Variants in PPM1H observed in about 807,000 individuals in gnomAD.
PPM1H encodes protein phosphatase, Mg2+/Mn2+ dependent 1H.
PPM1H carries 27 observed loss-of-function variants against 54.9 expected under a neutral mutation model. The observed-to-expected ratio is 0.49, with a 90% CI of 0.36 to 0.68. PPM1H has a LOEUF of 0.68. Among genes scored for constraint, PPM1H ranks in the 30% least tolerant of loss-of-function variants. The pLI is 0.00. For synonymous variants in PPM1H, 305 were observed against 270.8 expected (o/e 1.13, Z -1.24); for missense variants, 596 against 667.8 (o/e 0.89, Z 1.19).
intron 9 of PPM1H, among the ~76,000 whole-genome samples, chr12:62,649,571 T>C: frequency 6.6e-6 from 1 of 152,194 alleles, no homozygotes; most frequent in East Asian, 1.9e-4. Context: ...AGGAACTTAG[T>C]TCCACTGGCA....
chr12:62,853,750 A>AC (rs1024837428), intron 1 of PPM1H, among the ~76,000 whole-genome samples: 1 of 151,876 alleles, frequency 6.6e-6, no homozygotes, highest in African/African-American at 2.4e-5. Flanking sequence ...CCTCATCATC[A>AC]CCCCCACAAT....
At chr12:62,663,905 T>C (rs1233838854) in intron 9 of PPM1H, among the ~76,000 whole-genome samples, 1 of 151,946 alleles carries the variant, frequency 6.6e-6, no homozygotes, top group Admixed American at 6.6e-5. Flanking sequence ...GCAGGAGAAT[T>C]GCTTGAACCT....
chr12:62,655,942 A>G (rs2075841849), intron 9 of PPM1H, among the ~76,000 whole-genome samples: 2 of 152,254 alleles, frequency 1.3e-5, no homozygotes, highest in South Asian at 4.1e-4. Flanking sequence ...GGCAGGGATC[A>G]GACTTGGCAA....
intron 2 of PPM1H, among the ~76,000 whole-genome samples, chr12:62,828,542 T>G (rs1868314887): frequency 6.6e-6 from 1 of 152,212 alleles, no homozygotes; most frequent in Admixed American, 6.5e-5. Context: ...GGTTCCCCAC[T>G]TTGTTTTGTA....
intron 1 of PPM1H, among the ~76,000 whole-genome samples, chr12:62,877,563 G>T (rs1870220582): frequency 6.6e-6 from 1 of 152,086 alleles, no homozygotes; most frequent in South Asian, 2.1e-4. Context: ...TCTATTCTCT[G>T]AACTCTCCAT....
At chr12:62,781,461 C>T (rs186973321) in intron 4 of PPM1H, among the ~76,000 whole-genome samples, 11 of 152,288 alleles carry the variant, frequency 7.2e-5, no homozygotes, top group African/African-American at 1.9e-4. Context: ...TGCAGTCTAA[C>T]GCTTTGGCCC....
At chr12:62,664,977 CTTCT>C (rs2075908467) in intron 9 of PPM1H, among the ~76,000 whole-genome samples, 1 of 146,470 alleles carries the variant, frequency 6.8e-6, no homozygotes, top group African/African-American at 2.5e-5. Flanking sequence ...GTCTGAATGT[CTTCT>C]TTTTTTTTTT....
At chr12:62,838,718 G>A (rs1235905255) in intron 1 of PPM1H, among the ~76,000 whole-genome samples, 1 of 103,714 alleles carries the variant, frequency 9.6e-6, no homozygotes, top group South Asian at 2.9e-4. Context: ...TCAGGAGATC[G>A]AGACCATCCT....
intron 6 of PPM1H, among the ~76,000 whole-genome samples, chr12:62,716,672 A>C (rs1353785506): frequency 6.6e-6 from 1 of 152,168 alleles, no homozygotes; most frequent in Non-Finnish European, 1.5e-5. Flanking sequence ...GACCATAGGC[A>C]TATGCCACCA....
intron 9 of PPM1H, among the ~76,000 whole-genome samples, chr12:62,666,717 C>CT (rs940756013): frequency 1.7e-4 from 25 of 151,352 alleles, no homozygotes; most frequent in Admixed American, 2.6e-4. Flanking sequence ...GAAAGTACCT[C>CT]TTTTTTTTTG....
chr12:62,673,749 A>G (rs140179649), intron 8 of PPM1H, among the ~76,000 whole-genome samples: 1 of 44,500 alleles, frequency 2.2e-5, no homozygotes, highest in Non-Finnish European at 5.4e-5. Context: ...TTTTTGAGAC[A>G]GGGTCTTGCT....
Position 62,652,543 on chromosome 12 carries a change from G to A in PPM1H, c.1398-3907C>T, listed in dbSNP as rs1592524621. ...ACACACATATGAAAACTTATTTTGT[G>A]TTTTTAATTTATTATGTGCTTCTTT... On this transcript the variant is annotated intron_variant, in intron 9 of 9. Transcript: ENST00000228705. Among the ~76,000 whole-genome samples, 3 of 152,224 alleles carry A rather than the reference G, an allele frequency of 2.0e-5. No individual in the cohort carries two copies. In the South Asian group the frequency reaches 6.2e-4, roughly 32 times the overall value.
intron 5 of PPM1H, among the ~76,000 whole-genome samples, chr12:62,734,222 G>A (rs2076338983): frequency 6.6e-6 from 1 of 151,166 alleles, no homozygotes; most frequent in Admixed American, 6.6e-5. Flanking sequence ...GACTCTACCA[G>A]CACCTTGATG....
chr12:62,914,360 G>A (rs1268110098), intron 1 of PPM1H, among the ~76,000 whole-genome samples: 1 of 152,140 alleles, frequency 6.6e-6, no homozygotes, highest in Admixed American at 6.6e-5. Context: ...CCAAATAAAT[G>A]TTTTTTCTTT....
chr12:62,792,514 G>A lies in PPM1H; in HGVS notation c.757-4176C>T, dbSNP rs1042123338. ...ACTTCCCTCCCCCACATTTGTGTGG[G>A]AACATAAGTGTGCATACATGCACAT... On this transcript the variant is annotated intron_variant, in intron 3 of 9. Coordinates refer to ENST00000228705, the MANE Select transcript of PPM1H (RefSeq NM_020700.2). 7.2e-5 allele frequency among the ~76,000 whole-genome samples: 11 copies of A among 152,286 alleles called. No individual in the cohort carries two copies. The South Asian group carries it at 2.3e-3, about 32-fold the overall frequency.
chr12:62,699,588 G>T (rs1242798946), intron 6 of PPM1H, among the ~76,000 whole-genome samples: 2 of 152,162 alleles, frequency 1.3e-5, no homozygotes, highest in South Asian at 2.1e-4. Context: ...AACAGTAGAG[G>T]GTGGACAATG....
At chr12:62,771,156 T>C (rs1488627413) in intron 4 of PPM1H, among the ~76,000 whole-genome samples, 2 of 150,606 alleles carry the variant, frequency 1.3e-5, no homozygotes, top group Non-Finnish European at 2.9e-5. Context: ...GGACTTCTTC[T>C]GTGTTACTTA....
Position 62,846,978 on chromosome 12 carries a change from A to T in PPM1H, c.246-14699T>A, listed in dbSNP as rs11174694. Among the ~76,000 whole-genome samples, 1,296 of 152,256 alleles carry T rather than the reference A, an allele frequency of 8.5e-3. 22 individuals are homozygous for T. Among genetic ancestry groups the T allele is most frequent in the African/African-American group, 0.028 (1,182 of 41,538 alleles). On this transcript the variant is annotated intron_variant, in intron 1 of 9. Transcript: ENST00000228705. The stretch of plus-strand genomic sequence containing the variant: ...GCATATACCTGTCAGAGATGTTTTT[A>T]TCTGCCCAGACTCCCTTTCTCCTAG...
At chr12:62,887,626 T>A (rs566981676) in intron 1 of PPM1H, among the ~76,000 whole-genome samples, 2 of 152,326 alleles carry the variant, frequency 1.3e-5, no homozygotes, top group South Asian at 4.1e-4. Context: ...CTTATTTTAT[T>A]TGTGGGAAAC....
Sources: allele counts gnomAD v4.1 joint callset (sites outside exome capture counted in the v4.1 genomes callset), GRCh38; gene constraint gnomAD v4.1.1; transcripts MANE v1.5; gene names NCBI Gene and HGNC (gene_info 2026-07-23, HGNC 2026-07-21).